MAU2: variants seen among roughly 807,000 people sequenced by gnomAD.
The protein encoded by MAU2 is MAU2 chromatid cohesion factor homolog.
Under a neutral mutation model 89.1 loss-of-function variants are expected in MAU2, and 9 were observed. The ratio of observed to expected loss-of-function variants is 0.10; its 90% CI spans 0.06 to 0.18. The LOEUF (loss-of-function observed/expected upper bound fraction) is 0.18, where lower values mean the gene tolerates loss of function less well. MAU2 is among the 10% of genes least tolerant of loss of function. The pLI is 1.00. For missense variants in MAU2, 425 were observed against 803.5 expected, an observed-to-expected ratio of 0.53 and a Z score of 5.69; for synonymous variants, 357 against 343.4, an observed-to-expected ratio of 1.04 and a Z score of -0.44.
At chr19:19,332,252 C>T (rs1390061046) in intron 1 of MAU2, among the ~76,000 whole-genome samples, 1 of 151,498 alleles carries the variant, frequency 6.6e-6, no homozygotes, top group African/African-American at 2.4e-5. Flanking sequence ...CCCCAAACTC[C>T]TGGGCTCAAG....
intron 9 of MAU2, among the ~76,000 whole-genome samples, chr19:19,343,074 G>A (rs2061665685): frequency 6.6e-6 from 1 of 152,326 alleles, no homozygotes; most frequent in Non-Finnish European, 1.5e-5. Context: ...GTACCTCCCT[G>A]ACTGGTCAGG....
chr19:19,341,125 A>T, intron 6 of MAU2, 127 bp from the exon 7 acceptor site: 1 of 1,189,272 alleles, frequency 8.4e-7, no homozygotes, highest in Non-Finnish European at 1.2e-6. Flanking sequence ...CTGGGGTTTC[A>T]GGCTGGCCTT....
rs200863827 is a variant in MAU2 at position 19,345,380 on chromosome 19, G to C, written c.1221+11G>C. The stretch of plus-strand genomic sequence containing the variant: ...ACCACGGCCCTGCGGGTAAGGTGCC[G>C]GCCCTCCTTGCTGCTCGGGGCGGGC... On this transcript the variant is annotated intron_variant, in intron 12 of 18. Transcript: ENST00000262815. This position sits in a 1 kb window ranked among gnomAD's most constrained non-coding sequence, Gnocchi z 4.9. 1 of 1,613,130 alleles carries C rather than the reference G, an allele frequency of 6.2e-7. No homozygotes were observed. The highest frequency in any genetic ancestry group is 1.3e-5 in the African/African-American group (1 of 74,898).
chr19:19,337,111 T>G (rs1228878240), intron 3 of MAU2, 59 bp from the exon 4 acceptor site: 4 of 1,330,614 alleles, frequency 3.0e-6, no homozygotes, highest in Non-Finnish European at 4.2e-6. Context: ...GAATCCAGCT[T>G]GATTGCCGCC....
intron 5 of MAU2, among the ~76,000 whole-genome samples, chr19:19,339,430 A>C (rs1184254269): frequency 1.3e-5 from 2 of 151,072 alleles, no homozygotes; most frequent in East Asian, 3.9e-4. Flanking sequence ...CTGGCGACAG[A>C]GCGAGACTCC....
rs564998053 is a variant in MAU2 at position 19,347,288 on chromosome 19, C to T, written c.1230C>T (p.Asn410=). ...CCCGCCTCCCATTCCAGCTCACCAACCACCAGGAGCTGTGGGCCTTCATCG... is the reference window on the plus strand; with the variant it reads ...CCCGCCTCCCATTCCAGCTCACCAATCACCAGGAGCTGTGGGCCTTCATCG... ...AQFTTALRLT[N]HQELWAFIVT... The change falls in exon 13 of 19, where the codon AAC becomes AAT. Residue 410 remains asparagine (N), a synonymous_variant. Transcript: ENST00000262815. 41 of 1,613,652 alleles carry T rather than the reference C, an allele frequency of 2.5e-5. No individual in the cohort carries two copies. In the South Asian group the frequency reaches 4.5e-4, roughly 18 times the overall value.
At chr19:19,334,064 T>G (rs1002794908) in intron 1 of MAU2, 13 of 598,872 alleles carry the variant, frequency 2.2e-5, no homozygotes, top group Middle Eastern at 8.3e-4. Context: ...TTCCAGAGCT[T>G]CTTGTGTTAG....
Position 19,341,258 on chromosome 19 carries a change from C to T in MAU2, c.586C>T (p.Leu196=), listed in dbSNP as rs781508718. ...TGCGCCTCTCCCTCCCCAGCTGCTGCTGATGGAGCGAAAGCTGCAGGAGGT... is the reference window on the plus strand; with the variant it reads ...TGCGCCTCTCCCTCCCCAGCTGCTGTTGATGGAGCGAAAGCTGCAGGAGGT... ...LFLLSKGMLL[L]MERKLQEVHP... Residue 196 remains leucine (L), a synonymous_variant, in exon 7 of 19, where the codon CTG becomes TTG. Coordinates refer to ENST00000262815, the MANE Select transcript of MAU2 (RefSeq NM_015329.4). The T allele has an allele frequency of 1.2e-6, 2 of 1,611,274 alleles. No individual in the cohort carries two copies. The highest frequency in any genetic ancestry group is 2.2e-5 in the East Asian group (1 of 44,884).
intron 12 of MAU2, 140 bp from the exon 13 acceptor site, chr19:19,347,140 G>A (rs1358886667): frequency 1.6e-6 from 1 of 637,364 alleles, no homozygotes; most frequent in Non-Finnish European, 2.8e-6. Context: ...TTGAGCTTAG[G>A]AGGCAAAACA....
intron 16 of MAU2, among the ~76,000 whole-genome samples, chr19:19,351,066 C>T (rs960830877): frequency 2.6e-5 from 4 of 151,586 alleles, no homozygotes; most frequent in Non-Finnish European, 4.4e-5. Flanking sequence ...TTTTTGAGGC[C>T]GAGTCTCACT....
intron 10 of MAU2, chr19:19,344,411 C>CA (rs146072113): frequency 0.028 from 5,301 of 190,718 alleles, no homozygotes; most frequent in South Asian, 0.059. Flanking sequence ...GACTCCATCT[C>CA]AAAAAAAAAA....
At chr19:19,323,079 C>T (rs1459951452) in intron 1 of MAU2, among the ~76,000 whole-genome samples, 3 of 151,390 alleles carry the variant, frequency 2.0e-5, no homozygotes, top group Admixed American at 6.6e-5. Flanking sequence ...TTAGTAGAGA[C>T]GGGTTCACAG....
In MAU2 at chr19:19,320,844, T is replaced by C; in HGVS notation, c.-16T>C. ...CCGCCTCCCTGTGGCGGCGGCTTGT[T>C]GTTGTGGAGGCCAAAATGGCGGCTC... On this transcript the variant is annotated 5_prime_UTR_variant, in exon 1 of 19. Transcript: ENST00000262815. 1.2e-5 allele frequency: 18 copies of C among 1,511,266 alleles called. No individual in the cohort carries two copies. The highest frequency in any genetic ancestry group is 1.6e-5 in the Non-Finnish European group (18 of 1,142,036). The allele number at this position is 1,511,266 out of a possible 1,614,324, so 93.6% of individuals were successfully genotyped here.
At chr19:19,327,121 C>CTTT (rs768273058) in intron 1 of MAU2, among the ~76,000 whole-genome samples, 8 of 114,246 alleles carry the variant, frequency 7.0e-5, no homozygotes, top group African/African-American at 1.7e-4. Flanking sequence ...TCCCCAGGAG[C>CTTT]TTTTTTTTTT....
At chr19:19,337,306 C>A (rs2061605063) in intron 4 of MAU2, 41 bp downstream of exon 4, 2 of 1,520,926 alleles carry the variant, frequency 1.3e-6, no homozygotes, top group Non-Finnish European at 1.8e-6. Context: ...CCGGCAGGGA[C>A]CATGACCCTG....
At chr19:19,346,775 C>G (rs1468800412) in intron 12 of MAU2, 1 of 155,122 alleles carries the variant, frequency 6.4e-6, no homozygotes, top group Admixed American at 6.4e-5. Flanking sequence ...CACCTGTCAT[C>G]AGCAGCATTT....
intron 12 of MAU2, among the ~76,000 whole-genome samples, chr19:19,346,342 G>T (rs1439334497): frequency 6.6e-6 from 1 of 152,088 alleles, no homozygotes; most frequent in East Asian, 1.9e-4. Context: ...CCCACAAGTG[G>T]TTGCTATTGC....
chr19:19,326,634 T>C (rs555207100), intron 1 of MAU2, among the ~76,000 whole-genome samples: 42 of 147,308 alleles, frequency 2.9e-4, no homozygotes, highest in Middle Eastern at 3.5e-3. Context: ...TGCAGTGAGC[T>C]GAGATCGCGC....
chr19:19,322,557 G>A (rs1396780352), intron 1 of MAU2, among the ~76,000 whole-genome samples: 1 of 152,118 alleles, frequency 6.6e-6, no homozygotes, highest in Non-Finnish European at 1.5e-5. Flanking sequence ...CAGTGATCAC[G>A]CCACTTCACT....
Sources: gnomAD v4.1 joint callset for allele counts (sites outside exome capture counted in the v4.1 genomes callset) on GRCh38, gnomAD v4.1.1 for gene constraint, Gnocchi (gnomAD v3.1) non-coding constraint, MANE v1.5 for transcripts, NCBI Gene and HGNC (gene_info 2026-07-23, HGNC 2026-07-21) for gene names.